Variants in PBX3 observed in about 807,000 individuals in gnomAD.
The protein encoded by PBX3 is pre-B-cell leukemia transcription factor 3.
In PBX3, 14 loss-of-function variants were observed where a neutral mutation model predicts 48.5. The observed-to-expected ratio is 0.29, with a 90% CI of 0.19 to 0.45. PBX3 has a LOEUF of 0.45. Ranked by LOEUF, PBX3 falls within the 20% of genes least tolerant of loss-of-function variation. PBX3 has a pLI of 1.00. For synonymous variants in PBX3, 210 were observed against 200.3 expected, an observed-to-expected ratio of 1.05 and a Z score of -0.41; for missense variants, 386 against 546.7, an observed-to-expected ratio of 0.71 and a Z score of 2.93.
chr9:125,809,901 A>G (rs948229366), intron 2 of PBX3, among the ~76,000 whole-genome samples: 3 of 152,188 alleles, frequency 2.0e-5, no homozygotes, highest in Admixed American at 2.0e-4. Flanking sequence ...AGAAAATTGA[A>G]TGGTTATTTT....
intron 2 of PBX3, among the ~76,000 whole-genome samples, chr9:125,848,785 C>A (rs1472170334): frequency 6.6e-6 from 1 of 151,970 alleles, no homozygotes; most frequent in African/African-American, 2.4e-5. Context: ...ATGGAACTTA[C>A]ATTCTTGTGG....
chr9:125,929,544 C>A, intron 3 of PBX3, 111 bp from the exon 4 acceptor site: 1 of 698,600 alleles, frequency 1.4e-6, no homozygotes, highest in Non-Finnish European at 2.4e-6. Context: ...TTACCCTACA[C>A]ACTGTATAAT....
intron 2 of PBX3, among the ~76,000 whole-genome samples, chr9:125,807,585 C>A (rs1338112076): frequency 5.3e-5 from 8 of 152,128 alleles, no homozygotes; most frequent in Admixed American, 5.2e-4. Flanking sequence ...ATTCACATTT[C>A]TAATCTAAAA....
chr9:125,965,979 T>C lies in PBX3; in HGVS notation c.*56T>C, dbSNP rs1024740787. ...GCCTTGATAAGTGCATTCAGAGCAA[T>C]AGGAGGAAAAGGAAAGCGTTTTTGT... On this transcript the variant is annotated 3_prime_UTR_variant, in exon 9 of 9. Coordinates refer to ENST00000373489, the MANE Select transcript of PBX3 (RefSeq NM_006195.6). 37 of 1,326,846 alleles carry C rather than the reference T, an allele frequency of 2.8e-5. No homozygotes were observed. Among genetic ancestry groups the C allele is most frequent in the Non-Finnish European group, 3.9e-5 (36 of 925,864 alleles). 82.2% of individuals were successfully genotyped at this position (1,326,846 alleles called of 1,614,324 possible).
intron 2 of PBX3, among the ~76,000 whole-genome samples, chr9:125,857,393 T>A (rs967868846): frequency 2.6e-5 from 4 of 152,116 alleles, no homozygotes; most frequent in African/African-American, 9.7e-5. Context: ...AATTTCAGAT[T>A]TTTGGATTAG....
At chr9:125,776,358 T>G (rs1322235116) in intron 2 of PBX3, among the ~76,000 whole-genome samples, 5 of 152,218 alleles carry the variant, frequency 3.3e-5, no homozygotes, top group Non-Finnish European at 7.3e-5. Context: ...GTTTTGTGTG[T>G]TGAACCACTC....
rs1490919272 is a variant in PBX3, at chr9:125,938,333, ACAT to A, written c.843+2729_843+2731del. ...TCAAAGTACTTAATAAAGACTGAAA[ACAT>A]CAACATGATACAACTATTCAGTAAA... On this transcript the variant is annotated intron_variant, in intron 5 of 8. Coordinates refer to ENST00000373489, the MANE Select transcript of PBX3 (RefSeq NM_006195.6). Among the ~76,000 whole-genome samples the A allele has an allele frequency of 2.0e-5, 3 of 152,352 alleles. No individual in the cohort carries two copies. In the South Asian group the frequency reaches 6.2e-4, roughly 32 times the overall value.
chr9:125,834,891 C>T (rs1452979870), intron 2 of PBX3, among the ~76,000 whole-genome samples: 1 of 149,832 alleles, frequency 6.7e-6, no homozygotes, highest in African/African-American at 2.4e-5. Flanking sequence ...GTGGCAGGCG[C>T]CTGTAATCCC....
At chr9:125,912,582 C>T (rs896050834) in intron 2 of PBX3, among the ~76,000 whole-genome samples, 6 of 151,966 alleles carry the variant, frequency 3.9e-5, no homozygotes, top group African/African-American at 1.5e-4. Context: ...TATGATTTGT[C>T]TAAATCTTAG....
chr9:125,779,245 C>CTTTTTTT (rs34221799), intron 2 of PBX3, among the ~76,000 whole-genome samples: 1 of 127,838 alleles, frequency 7.8e-6, no homozygotes, highest in Admixed American at 7.8e-5. Context: ...AACTTTGTTC[C>CTTTTTTT]TTTTTTTTTT....
chr9:125,781,932 A>C (rs1156883814), intron 2 of PBX3, among the ~76,000 whole-genome samples: 1 of 150,740 alleles, frequency 6.6e-6, no homozygotes, highest in East Asian at 1.9e-4. Context: ...CATTCCCTCC[A>C]TTACCTTCTT....
At position 125,929,883 on chromosome 9, in the gene PBX3, C is replaced by G. The variant is rs774009779; in HGVS notation, c.707+38C>G. On this transcript the variant is annotated intron_variant, in intron 4 of 8. Transcript: ENST00000373489. ...ATAAATCTATTGCATGGCTTTCCCC[C>G]GTCTGTCACTCCTTGTGTATTATTT... 5.6e-6 allele frequency: 8 copies of G among 1,433,006 alleles called. No homozygotes were observed. The South Asian group carries it at 7.0e-5, about 13-fold the overall frequency. The allele number at this position is 1,433,006 out of a possible 1,614,324, so 88.8% of individuals were successfully genotyped here.
chr9:125,867,392 A>G (rs184693001), intron 2 of PBX3, among the ~76,000 whole-genome samples: 15 of 152,296 alleles, frequency 9.8e-5, no homozygotes, highest in Admixed American at 5.2e-4. Context: ...CTGTAATCCC[A>G]GCACTTTGGG....
At chr9:125,899,370 T>C (rs1376428347) in intron 2 of PBX3, among the ~76,000 whole-genome samples, 2 of 129,114 alleles carry the variant, frequency 1.5e-5, no homozygotes, top group Non-Finnish European at 3.4e-5. Flanking sequence ...AATATATACA[T>C]ATATGTATAT....
At chr9:125,891,384 T>C (rs1327424026) in intron 2 of PBX3, among the ~76,000 whole-genome samples, 2 of 152,170 alleles carry the variant, frequency 1.3e-5, no homozygotes, top group Non-Finnish European at 2.9e-5. Flanking sequence ...ATCTGACCAT[T>C]TGTGACTTAG....
At chr9:125,962,726 A>G (rs1842455637) in intron 7 of PBX3, among the ~76,000 whole-genome samples, 1 of 152,238 alleles carries the variant, frequency 6.6e-6, no homozygotes, top group Non-Finnish European at 1.5e-5. Flanking sequence ...CATATACACA[A>G]TTCTAAGTAG....
intron 5 of PBX3, among the ~76,000 whole-genome samples, chr9:125,955,622 G>A (rs1842289316): frequency 1.3e-5 from 2 of 152,144 alleles, no homozygotes; most frequent in South Asian, 4.1e-4. Flanking sequence ...GAATTGTGGA[G>A]TTTCAATAAA....
intron 2 of PBX3, among the ~76,000 whole-genome samples, chr9:125,792,546 A>G (rs1837641905): frequency 6.6e-6 from 1 of 152,120 alleles, no homozygotes; most frequent in African/African-American, 2.4e-5. Context: ...TTAGGTCAAG[A>G]CTTCCAGAGC....
At chr9:125,878,729 C>T (rs73667275) in intron 2 of PBX3, among the ~76,000 whole-genome samples, 5,654 of 152,248 alleles carry the variant, frequency 0.037, 371 homozygotes, top group African/African-American at 0.13. Flanking sequence ...CTTACTGTTT[C>T]TCAGGGACAT....
Sources: allele counts gnomAD v4.1 joint callset (sites outside exome capture counted in the v4.1 genomes callset), GRCh38; gene constraint gnomAD v4.1.1; transcripts MANE v1.5; gene names NCBI Gene and HGNC (gene_info 2026-07-23, HGNC 2026-07-21).